The following CDH4 variants were observed in gnomAD, a reference collection of about 807,000 sequenced individuals.
CDH4 encodes cadherin-4.
Under a neutral mutation model 86.0 loss-of-function variants are expected in CDH4, and 33 were observed. That is an observed-to-expected ratio of 0.38 (90% CI 0.29 to 0.51). The LOEUF (loss-of-function observed/expected upper bound fraction) is 0.51. Ranked by LOEUF, CDH4 falls within the 20% of genes least tolerant of loss-of-function variation. The pLI is 0.86. For synonymous variants in CDH4, 555 were observed against 549.4 expected, an observed-to-expected ratio of 1.01 and a Z score of -0.14; for missense variants, 1,114 against 1,307.4, an observed-to-expected ratio of 0.85 and a Z score of 2.28.
intron 2 of CDH4, among the ~76,000 whole-genome samples, chr20:61,489,083 C>T: frequency 6.6e-6 from 1 of 152,196 alleles, no homozygotes; most frequent in South Asian, 2.1e-4. Context: ...TGCTTGGAAG[C>T]TCCTGGGTAT....
In CDH4 at chr20:61,534,665, C is replaced by CTTTTTTTTTTTTTTTTTTT. The variant is rs34309371; in HGVS notation, c.170-208894_170-208876dup. ...CTTTCTTTCTTTTCTTTCTTTCTTT[C>CTTTTTTTTTTTTTTTTTTT]TTTTTTTTTTTTTTTTTTTTTTGAG... is the stretch of plus-strand genomic sequence containing the variant. On this transcript the variant is annotated intron_variant, in intron 2 of 15. Transcript: ENST00000614565. Among the ~76,000 whole-genome samples the CTTTTTTTTTTTTTTTTTTT allele has an allele frequency of 7.5e-4, 57 of 76,056 alleles. 5 individuals carry two copies. The highest frequency in any genetic ancestry group is 5.0e-3 in the African/African-American group (47 of 9,310). The allele number at this position is 76,056 out of a possible 152,430, so 49.9% of individuals were successfully genotyped here.
chr20:61,282,855 C>T (rs541702691), intron 2 of CDH4, among the ~76,000 whole-genome samples: 25 of 152,004 alleles, frequency 1.6e-4, no homozygotes, highest in African/African-American at 6.0e-4. Context: ...TGCATTTGCA[C>T]GCATGTGCTG....
At chr20:61,604,235 G>A (rs971937666) in intron 2 of CDH4, among the ~76,000 whole-genome samples, 6 of 152,242 alleles carry the variant, frequency 3.9e-5, no homozygotes, top group East Asian at 1.9e-4. Flanking sequence ...GACTGTCTCC[G>A]GAGTAACAGG....
chr20:61,310,767 C>G (rs2084441253), intron 2 of CDH4, among the ~76,000 whole-genome samples: 1 of 152,116 alleles, frequency 6.6e-6, no homozygotes, highest in Non-Finnish European at 1.5e-5. Flanking sequence ...GGCTCTGTGG[C>G]CTGCAGATCC....
At chr20:61,559,518 TC>T (rs1309531967) in intron 2 of CDH4, among the ~76,000 whole-genome samples, 9 of 134,454 alleles carry the variant, frequency 6.7e-5, no homozygotes, top group South Asian at 2.3e-4. Context: ...AATTTTTTTT[TC>T]TTTTTTTTTT....
intron 3 of CDH4, among the ~76,000 whole-genome samples, chr20:61,770,538 G>A (rs559371993): frequency 2.8e-4 from 42 of 152,350 alleles, no homozygotes; most frequent in Non-Finnish European, 4.9e-4. Context: ...TACGCGTGAC[G>A]TTCTGTTGGC....
intron 2 of CDH4, among the ~76,000 whole-genome samples, chr20:61,600,469 C>T (rs938070680): frequency 3.9e-5 from 6 of 152,192 alleles, no homozygotes; most frequent in African/African-American, 1.2e-4. Flanking sequence ...GAGCCTGAGC[C>T]ATCTCTGCAA....
At chr20:61,561,747 C>G (rs1172205592) in intron 2 of CDH4, among the ~76,000 whole-genome samples, 1 of 152,240 alleles carries the variant, frequency 6.6e-6, no homozygotes, top group Non-Finnish European at 1.5e-5. Context: ...ACAAAATGAG[C>G]ATGTTTACTA....
intron 2 of CDH4, among the ~76,000 whole-genome samples, chr20:61,698,428 G>A (rs369979982): frequency 2.0e-5 from 3 of 152,362 alleles, no homozygotes; most frequent in East Asian, 3.9e-4. Flanking sequence ...TGCCGTCCGG[G>A]TGCTTCCCAT....
chr20:61,405,453 C>T (rs1008843319), intron 2 of CDH4, among the ~76,000 whole-genome samples: 2 of 151,986 alleles, frequency 1.3e-5, no homozygotes, highest in African/African-American at 4.8e-5. Flanking sequence ...AAGATAAAAA[C>T]CAAAGAAACT....
intron 2 of CDH4, among the ~76,000 whole-genome samples, chr20:61,367,607 A>G (rs2123329395): frequency 6.6e-6 from 1 of 150,610 alleles, no homozygotes; most frequent in Non-Finnish European, 1.5e-5. Flanking sequence ...ATAGATCATA[A>G]CCTCCAGAAT....
intron 2 of CDH4, among the ~76,000 whole-genome samples, chr20:61,478,716 G>GA (rs1380288303): frequency 2.0e-5 from 3 of 152,310 alleles, no homozygotes; most frequent in East Asian, 3.9e-4. Context: ...ACGGTGACGT[G>GA]AAAAATGCAG....
intron 2 of CDH4, among the ~76,000 whole-genome samples, chr20:61,421,102 T>C (rs1459455032): frequency 6.6e-6 from 1 of 152,216 alleles, no homozygotes; most frequent in Admixed American, 6.5e-5. Context: ...GAGGGGCAGC[T>C]GGTCCTTGCA....
At chr20:61,606,339 C>G (rs1189478215) in intron 2 of CDH4, among the ~76,000 whole-genome samples, 7 of 152,208 alleles carry the variant, frequency 4.6e-5, no homozygotes, top group Admixed American at 4.6e-4. Flanking sequence ...CTGTGATCAC[C>G]CATCCTACAG....
chr20:61,517,961 A>G lies in CDH4; in HGVS notation c.170-225602A>G, dbSNP rs1463527067. 6.6e-6 allele frequency among the ~76,000 whole-genome samples: 1 copy of G among 152,006 alleles called. No homozygotes were observed. The highest frequency in any genetic ancestry group is 1.5e-5 in the Non-Finnish European group (1 of 68,010). ...AGCTTCTGGGGCTGATTGCCCCTGGATGGGCCTCTCGTGTGGGGCTGGGGC... is the reference window on the plus strand; with the variant it reads ...AGCTTCTGGGGCTGATTGCCCCTGGGTGGGCCTCTCGTGTGGGGCTGGGGC... On this transcript the variant is annotated intron_variant, in intron 2 of 15. Coordinates refer to ENST00000614565, the MANE Select transcript of CDH4 (RefSeq NM_001794.5). The surrounding 1 kb of genome is among the most constrained non-coding windows in gnomAD (Gnocchi z 6.6).
Position 61,811,498 on chromosome 20 carries a change from G to A in CDH4, c.577-33170G>A, listed in dbSNP as rs980889746. The stretch of plus-strand genomic sequence containing the variant: ...AGGAAAGGAAGCTCATTTCAGAGCA[G>A]TGGAATCAACCAGTTAGAAATGGGA... On this transcript the variant is annotated intron_variant, in intron 4 of 15. Coordinates refer to ENST00000614565, the MANE Select transcript of CDH4 (RefSeq NM_001794.5). This position sits in a 1 kb window ranked among gnomAD's most constrained non-coding sequence, Gnocchi z 4.4. 1.3e-5 allele frequency among the ~76,000 whole-genome samples: 2 copies of A among 152,200 alleles called. No individual in the cohort carries two copies.
intron 7 of CDH4, among the ~76,000 whole-genome samples, chr20:61,876,755 A>T (rs1482756786): frequency 6.6e-6 from 1 of 152,144 alleles, no homozygotes; most frequent in African/African-American, 2.4e-5. Context: ...CTGTGGCTTC[A>T]GGACCATCTG....
chr20:61,380,953 T>C (rs1363191623), intron 2 of CDH4, among the ~76,000 whole-genome samples: 2 of 152,180 alleles, frequency 1.3e-5, no homozygotes, highest in Non-Finnish European at 2.9e-5. Flanking sequence ...AATACTGGAG[T>C]ATCATCCTTT....
intron 4 of CDH4, among the ~76,000 whole-genome samples, chr20:61,831,494 C>T (rs1981611577): frequency 6.6e-6 from 1 of 152,282 alleles, no homozygotes; most frequent in African/African-American, 2.4e-5. Context: ...TGGCCACAGC[C>T]AGGCCTGACA....
Sources: gnomAD v4.1 joint callset for allele counts (sites outside exome capture counted in the v4.1 genomes callset) on GRCh38, gnomAD v4.1.1 for gene constraint, Gnocchi (gnomAD v3.1) non-coding constraint, MANE v1.5 for transcripts, NCBI Gene and HGNC (gene_info 2026-07-23, HGNC 2026-07-21) for gene names.